IQCK: variants seen among roughly 807,000 people sequenced by gnomAD.
The protein encoded by IQCK is IQ domain-containing protein K.
A neutral mutation model predicts 28.1 loss-of-function variants in IQCK; 29 were observed. The ratio of observed to expected loss-of-function variants is 1.03; its 90% confidence interval spans 0.77 to 1.41. IQCK has a LOEUF of 1.41. IQCK is among the 40% of genes most tolerant of loss of function. IQCK has a pLI of 0.00. For missense variants in IQCK, 359 were observed against 314.7 expected, an observed-to-expected ratio of 1.14 and a Z score of -1.07; for synonymous variants, 113 against 115.1, an observed-to-expected ratio of 0.98 and a Z score of 0.12.
At chr16:19,735,391 G>A (rs764617139) in exon 4 of IQCK, 2 of 1,614,086 alleles carry the variant, frequency 1.2e-6, no homozygotes, top group Non-Finnish European at 1.7e-6. Context: ...CATCTTTCCT[G>A]TTCTGCTTCC....
chr16:19,754,471 T>A (rs936143942), intron 4 of IQCK, among the ~76,000 whole-genome samples: 11 of 152,204 alleles, frequency 7.2e-5, no homozygotes, highest in Non-Finnish European at 1.5e-4. Flanking sequence ...ATTTTCCCTT[T>A]CGGCTTTTGG....
exon 1 of IQCK, chr16:19,718,313 G>C (rs1977316343): frequency 6.2e-7 from 1 of 1,605,350 alleles, no homozygotes; most frequent in Non-Finnish European, 8.5e-7. Context: ...GGCCATGGCG[G>C]CACCGCGGCA....
chr16:19,743,860 TG>T (rs938200717), intron 4 of IQCK, among the ~76,000 whole-genome samples: 5 of 152,118 alleles, frequency 3.3e-5, no homozygotes, highest in Non-Finnish European at 5.9e-5. Context: ...GCCAGTACCA[TG>T]AAACTCCAAG....
At chr16:19,855,887 C>G (rs904593900) in intron 9 of IQCK, among the ~76,000 whole-genome samples, 3 of 152,130 alleles carry the variant, frequency 2.0e-5, no homozygotes, top group Non-Finnish European at 4.4e-5. Flanking sequence ...CCCTACTGCA[C>G]CCACCAAGGG....
chr16:19,780,803 A>T (rs2055470776), intron 6 of IQCK, among the ~76,000 whole-genome samples: 1 of 152,228 alleles, frequency 6.6e-6, no homozygotes, highest in African/African-American at 2.4e-5. Flanking sequence ...ACAGTAGTTA[A>T]TTGGCCTGCT....
intron 7 of IQCK, among the ~76,000 whole-genome samples, chr16:19,791,592 T>C (rs139733041): frequency 1.5e-5 from 2 of 132,506 alleles, no homozygotes; most frequent in East Asian, 4.2e-4. Context: ...ACCCTCATCC[T>C]TCCACACACA....
At position 19,818,998 on chromosome 16, in the gene IQCK, G is replaced by T. The variant is rs567444948; in HGVS notation, c.691-8028G>T. Among the ~76,000 whole-genome samples, 236 of 152,220 alleles carry T rather than the reference G, an allele frequency of 1.6e-3. 1 individual carries two copies. Among genetic ancestry groups the T allele is most frequent in the African/African-American group, 5.5e-3 (227 of 41,538 alleles). On this transcript the variant is annotated intron_variant, in intron 7 of 7. Transcript: ENST00000564186. ...AGAATTGTCTGGGAGGAAAGGGATT[G>T]AGATCACCGCAATCCCAATATTTCT...
chr16:19,730,555 G>A (rs1298630198), intron 2 of IQCK, 61 bp downstream of exon 2: 5 of 1,287,476 alleles, frequency 3.9e-6, no homozygotes, highest in Non-Finnish European at 4.3e-6. Flanking sequence ...AGCATTGATG[G>A]CCTGTGAATG....
chr16:19,759,950 C>A (rs2055112974), intron 4 of IQCK, among the ~76,000 whole-genome samples: 1 of 151,950 alleles, frequency 6.6e-6, no homozygotes, highest in East Asian at 1.9e-4. Flanking sequence ...CAGAGTGAGA[C>A]CCCGTCTCTA....
intron 7 of IQCK, among the ~76,000 whole-genome samples, chr16:19,824,992 T>C (rs1413108027): frequency 1.3e-5 from 2 of 152,200 alleles, no homozygotes; most frequent in Non-Finnish European, 2.9e-5. Context: ...TCGATGCCCC[T>C]TTGTTTTCCC....
chr16:19,830,948 C>G (rs2056224280), downstream of IQCK, among the ~76,000 whole-genome samples: 1 of 152,178 alleles, frequency 6.6e-6, no homozygotes, highest in African/African-American at 2.4e-5. Context: ...CAATAGACTC[C>G]AAGCTCCATG....
chr16:19,755,948 C>T (rs1376459259), intron 4 of IQCK, among the ~76,000 whole-genome samples: 3 of 152,054 alleles, frequency 2.0e-5, no homozygotes, highest in South Asian at 2.1e-4. Flanking sequence ...TTTGGGAGGC[C>T]GAGGCTGGAG....
At chr16:19,848,336 C>G (rs1243153611) in intron 9 of IQCK, among the ~76,000 whole-genome samples, 2 of 152,132 alleles carry the variant, frequency 1.3e-5, no homozygotes, top group Non-Finnish European at 2.9e-5. Flanking sequence ...TCTGATAGGT[C>G]AACTTGCCAG....
At chr16:19,784,187 T>A (rs1195562192) in intron 6 of IQCK, among the ~76,000 whole-genome samples, 2 of 152,164 alleles carry the variant, frequency 1.3e-5, no homozygotes, top group Non-Finnish European at 2.9e-5. Flanking sequence ...GGGCGTTTTC[T>A]ATGATTCTGC....
chr16:19,771,717 TA>T (rs766203853), intron 6 of IQCK, among the ~76,000 whole-genome samples: 37 of 152,210 alleles, frequency 2.4e-4, no homozygotes, highest in Middle Eastern at 3.4e-3. Context: ...TATATAGATA[TA>T]AAAAAATGTG....
At chr16:19,766,253 G>A (rs188710136) in intron 6 of IQCK, among the ~76,000 whole-genome samples, 50 of 152,376 alleles carry the variant, frequency 3.3e-4, no homozygotes, top group Admixed American at 3.3e-3. Flanking sequence ...GATGAATAAA[G>A]TATGGCCCTG....
intron 7 of IQCK, among the ~76,000 whole-genome samples, chr16:19,812,152 G>C (rs1229203848): frequency 6.6e-6 from 1 of 151,962 alleles, no homozygotes; most frequent in African/African-American, 2.4e-5. Context: ...CACACCCACT[G>C]ATTTTTGTAG....
Position 19,825,592 on chromosome 16 carries a change from C to T in IQCK, c.691-1434C>T, listed in dbSNP as rs2056138082. ...CCTGTAATCCCAGCACTTTTAGAGGCCAAGGCTTGAGCCCAGGAGTTTGAG... is the reference window on the plus strand; with the variant it reads ...CCTGTAATCCCAGCACTTTTAGAGGTCAAGGCTTGAGCCCAGGAGTTTGAG... On this transcript the variant is annotated intron_variant, in intron 7 of 7. Coordinates refer to ENST00000564186, the Ensembl canonical transcript of IQCK. The surrounding 1 kb of genome is among the most constrained non-coding windows in gnomAD (Gnocchi z 4.2). Among the ~76,000 whole-genome samples, 1 of 151,708 alleles carries T rather than the reference C, an allele frequency of 6.6e-6. No individual in the cohort carries two copies. Among genetic ancestry groups the T allele is most frequent in the Non-Finnish European group, 1.5e-5 (1 of 67,960 alleles).
chr16:19,832,633 G>C (rs183019316), intron 9 of IQCK, among the ~76,000 whole-genome samples: 1 of 152,098 alleles, frequency 6.6e-6, no homozygotes, highest in African/African-American at 2.4e-5. Context: ...TTCAAGGTGT[G>C]CAACATGATG....
Sources: gnomAD v4.1 joint callset for allele counts (sites outside exome capture counted in the v4.1 genomes callset) on GRCh38, gnomAD v4.1.1 for gene constraint, Gnocchi (gnomAD v3.1) non-coding constraint, MANE v1.5 for transcripts, NCBI Gene and HGNC (gene_info 2026-07-23, HGNC 2026-07-21) for gene names.